Variants in MAP4K3 observed in about 807,000 individuals in gnomAD.
The protein encoded by MAP4K3 is MAPK/ERK kinase kinase kinase 3.
A neutral mutation model predicts 143.5 loss-of-function variants in MAP4K3; 94 were observed. That is an observed-to-expected ratio of 0.65 (90% CI 0.55 to 0.78). MAP4K3 has a LOEUF of 0.78. Ranked by LOEUF, MAP4K3 falls within the 30% of genes least tolerant of loss-of-function variation. MAP4K3 has a pLI of 0.00. For synonymous variants in MAP4K3, 416 were observed against 347.2 expected, an observed-to-expected ratio of 1.20 and a Z score of -2.20; for missense variants, 1,077 against 1,068.1, an observed-to-expected ratio of 1.01 and a Z score of -0.12.
At chr2:39,396,930 A>G (rs1418699602) in intron 1 of MAP4K3, among the ~76,000 whole-genome samples, 5 of 152,212 alleles carry the variant, frequency 3.3e-5, no homozygotes, top group African/African-American at 1.2e-4. Context: ...TACTTGATCT[A>G]AAAGACCATT....
At chr2:39,356,424 C>A in intron 2 of MAP4K3, 85 bp from the exon 3 acceptor site, 1 of 734,030 alleles carries the variant, frequency 1.4e-6, no homozygotes, top group African/African-American at 1.8e-5. Context: ...AATAATTATA[C>A]GTATTAATAA....
At chr2:39,416,757 A>G (rs1667393538) in intron 1 of MAP4K3, among the ~76,000 whole-genome samples, 1 of 152,240 alleles carries the variant, frequency 6.6e-6, no homozygotes, top group Non-Finnish European at 1.5e-5. Flanking sequence ...TAGCATAAAA[A>G]AGAATATTTT....
chr2:39,262,349 G>C (rs1325473225), intron 28 of MAP4K3, among the ~76,000 whole-genome samples: 2 of 152,174 alleles, frequency 1.3e-5, no homozygotes, highest in South Asian at 2.1e-4. Context: ...CACGGGCACA[G>C]ACACTTCATC....
chr2:39,331,956 G>A lies in MAP4K3; in HGVS notation c.491C>T (p.Thr164Ile). The A allele has an allele frequency of 6.4e-7, 1 of 1,574,298 alleles. No individual in the cohort carries two copies. Among genetic ancestry groups the A allele is most frequent in the South Asian group, 1.2e-5 (1 of 83,436 alleles). The change falls in exon 8 of 34, where the codon ACA (threonine) becomes ATA (isoleucine). Residue 164 changes from threonine (T) to isoleucine (I), a missense_variant. Around this residue, in one of 2 missense-constraint regions of MAP4K3, gnomAD observed 213 missense variants for 266.8 expected, o/e 0.80. Transcript: ENST00000263881. ...AATGAAAGACTTCCGTTTGGCAATT[G>A]TAGCTGTTATCTGTGCAGATACTCC... ...DFGVSAQITA[T>I]IAKRKSFIGT...
At chr2:39,337,756 T>TTTTTTG (rs2148528715) in intron 4 of MAP4K3, among the ~76,000 whole-genome samples, 175 bp from the exon 5 acceptor site, 1 of 126,544 alleles carries the variant, frequency 7.9e-6, no homozygotes, top group South Asian at 3.0e-4. Flanking sequence ...GCTCCAGTTT[T>TTTTTTG]TTTTTTTTTT....
At chr2:39,309,380 T>C (rs1682856421) in intron 14 of MAP4K3, 81 bp downstream of exon 14, 2 of 986,006 alleles carry the variant, frequency 2.0e-6, no homozygotes, top group Admixed American at 2.7e-5. Context: ...ACTAGCTTTT[T>C]TGGTCAGTAC....
rs530136621 is a variant in MAP4K3, at chr2:39,436,815, G to T, written c.96+77C>A. The T allele has an allele frequency of 2.3e-6, 3 of 1,289,180 alleles. No homozygotes were observed. In the South Asian group the frequency reaches 3.8e-5, roughly 16 times the overall value. 79.9% of individuals were successfully genotyped at this position (1,289,180 alleles called of 1,614,324 possible). On this transcript the variant is annotated intron_variant, in intron 1 of 33. Coordinates refer to ENST00000263881, the MANE Select transcript of MAP4K3 (RefSeq NM_003618.4). ...GCGCCAGCGTCTCCCGAGGACAGGC[G>T]GCAAGGGCTCGGACGCCCAGGCTTG...
chr2:39,431,362 T>G (rs1267205916), intron 1 of MAP4K3, among the ~76,000 whole-genome samples: 3 of 152,150 alleles, frequency 2.0e-5, no homozygotes, highest in Admixed American at 6.6e-5. Context: ...GACCTAAGGT[T>G]ACAGTATTTT....
chr2:39,288,546 C>T (rs1020996249), intron 19 of MAP4K3, among the ~76,000 whole-genome samples: 1 of 152,174 alleles, frequency 6.6e-6, no homozygotes, highest in Non-Finnish European at 1.5e-5. Context: ...ATTAATTCCT[C>T]ACAAGTCTCC....
chr2:39,267,005 A>C (rs1186770252), intron 27 of MAP4K3, among the ~76,000 whole-genome samples, 184 bp downstream of exon 27: 1 of 152,218 alleles, frequency 6.6e-6, no homozygotes, highest in East Asian at 1.9e-4. Flanking sequence ...ATTTGCAAAT[A>C]AATTATTTGC....
At chr2:39,348,225 T>C (rs1418574455) in intron 3 of MAP4K3, among the ~76,000 whole-genome samples, 1 of 152,102 alleles carries the variant, frequency 6.6e-6, no homozygotes, top group Non-Finnish European at 1.5e-5. Flanking sequence ...TCGCTTTTTA[T>C]ATATTTCAAT....
chr2:39,372,042 T>C (rs7421175), intron 2 of MAP4K3, among the ~76,000 whole-genome samples: 103,799 of 151,468 alleles, frequency 0.69, 39,022 homozygotes, highest in Non-Finnish European at 0.83. Flanking sequence ...TGGAAAAATC[T>C]AAAGACTCCA....
intron 4 of MAP4K3, among the ~76,000 whole-genome samples, chr2:39,341,735 C>T (rs887310022): frequency 7.9e-5 from 12 of 151,076 alleles, no homozygotes; most frequent in South Asian, 2.1e-4. Context: ...ACCCAAATTC[C>T]AACCAAAAAA....
intron 12 of MAP4K3, chr2:39,323,853 AAT>A (rs942732576): frequency 4.6e-5 from 7 of 152,214 alleles, no homozygotes; most frequent in Non-Finnish European, 8.8e-5. Context: ...CACTGTAAAT[AAT>A]AGTTTTACTA....
chr2:39,351,528 T>TTGTA (rs1553416645), intron 3 of MAP4K3, among the ~76,000 whole-genome samples: 119 of 152,006 alleles, frequency 7.8e-4, no homozygotes, highest in African/African-American at 2.7e-3. Flanking sequence ...TTAGATATCT[T>TTGTA]TCTGTGGAAA....
rs768182631 is a variant in MAP4K3 at position 39,326,249 on chromosome 2, T to C, written c.559A>G (p.Arg187Gly). The C allele has an allele frequency of 6.2e-7, 1 of 1,613,732 alleles. No individual in the cohort carries two copies. Residue 187 changes from arginine to glycine, a missense_variant, in exon 9 of 34, where the codon AGG (arginine) becomes GGG (glycine). By Grantham distance (125) the Arg-to-Gly change is moderately radical. Coordinates refer to ENST00000263881, the MANE Select transcript of MAP4K3 (RefSeq NM_003618.4). ...CAGAGTTGATTGTAACCCCCCTTCC[T>C]CTCAACAGCTGCAACTTCTGGAGCC... Reference protein sequence around the residue: ...WMAPEVAAVERKGGYNQLCDL... With the variant: ...WMAPEVAAVEGKGGYNQLCDL...
rs78050545 is a variant in MAP4K3 at position 39,306,143 on chromosome 2, T to A, written c.1119+1800A>T. Among the ~76,000 whole-genome samples, 374 of 152,344 alleles carry A rather than the reference T, an allele frequency of 2.5e-3. 10 individuals are homozygous for A. In the East Asian group the frequency reaches 0.041, roughly 17 times the overall value. ...GTGCCCGGCTGAGTATTTGTAATTT[T>A]AAAGTATTATGTTTCCAGTTTTGTT... is the stretch of plus-strand genomic sequence containing the variant. On this transcript the variant is annotated intron_variant, in intron 15 of 33. Transcript: ENST00000263881.
chr2:39,372,268 A>C (rs1297190596), intron 2 of MAP4K3, among the ~76,000 whole-genome samples: 1 of 151,838 alleles, frequency 6.6e-6, no homozygotes, highest in Non-Finnish European at 1.5e-5. Flanking sequence ...TAAAACATTG[A>C]TGTAAGAAAT....
At chr2:39,429,093 G>A (rs1401349913) in intron 1 of MAP4K3, among the ~76,000 whole-genome samples, 3 of 134,580 alleles carry the variant, frequency 2.2e-5, no homozygotes, top group Non-Finnish European at 3.2e-5. Flanking sequence ...AAAAAAAGGA[G>A]TCCATATGCT....
Sources: allele counts gnomAD v4.1 joint callset (sites outside exome capture counted in the v4.1 genomes callset), GRCh38; gene constraint gnomAD v4.1.1; regional missense constraint gnomAD v4.1.1; transcripts MANE v1.5; gene names NCBI Gene and HGNC (gene_info 2026-07-23, HGNC 2026-07-21).